The following GON4L variants were observed in gnomAD, a reference collection of about 807,000 sequenced individuals.
GON4L encodes GON-4-like protein.
In GON4L, 87 loss-of-function variants were observed where a neutral mutation model predicts 211.8. The observed-to-expected ratio is 0.41, with a 90% CI of 0.35 to 0.49. The LOEUF is 0.49. Among genes scored for constraint, GON4L ranks in the 20% least tolerant of loss-of-function variants. GON4L has a pLI of 0.15. For missense variants in GON4L, 2,155 were observed against 2,659.5 expected (o/e 0.81, Z 4.17); for synonymous variants, 875 against 962.6 (o/e 0.91, Z 1.68).
Position 155,822,369 on chromosome 1 carries a change from G to C in GON4L, c.805C>G (p.Leu269Val), listed in dbSNP as rs1668811298. Residue 269 changes from leucine (L) to valine (V), a missense_variant, in exon 4 of 32, where the codon CTG becomes GTG. Leu to Val is a conservative substitution (Grantham distance 32). Transcript: ENST00000368331. ...QEGTLAYDLK[L>V]DDMLDRTLED... ...AAGGTACGGTCAAGCATGTCATCCA[G>C]TTTCAGGTCATATGCCAAGGTCCCT... 6.2e-7 allele frequency: 1 copy of C among 1,613,852 alleles called. No individual in the cohort carries two copies. Among genetic ancestry groups the C allele is most frequent in the African/African-American group, 1.3e-5 (1 of 74,906 alleles).
chr1:155,834,065 C>A (rs1670068066), intron 2 of GON4L, among the ~76,000 whole-genome samples: 1 of 152,044 alleles, frequency 6.6e-6, no homozygotes, highest in African/African-American at 2.4e-5. Flanking sequence ...GCCACAAGAT[C>A]CTCACACCTT....
intron 10 of GON4L, among the ~76,000 whole-genome samples, chr1:155,806,072 C>T (rs1288550384): frequency 2.0e-5 from 3 of 151,030 alleles, no homozygotes; most frequent in Non-Finnish European, 4.4e-5. Context: ...ACTGCAGCTT[C>T]GAACTCCTGG....
intron 2 of GON4L, among the ~76,000 whole-genome samples, chr1:155,834,254 T>C (rs1377417510): frequency 1.3e-5 from 2 of 152,204 alleles, no homozygotes; most frequent in Admixed American, 1.3e-4. Flanking sequence ...CCTTTGCTAC[T>C]AAATTTTAAA....
At chr1:155,750,930 G>A (rs1236848977) in intron 31 of GON4L, among the ~76,000 whole-genome samples, 197 bp from the exon 32 acceptor site, 1 of 151,960 alleles carries the variant, frequency 6.6e-6, no homozygotes, top group African/African-American at 2.4e-5. Flanking sequence ...CACCTGACTA[G>A]TTTTTATATT....
At chr1:155,858,432 T>A (rs1185177389), upstream of GON4L, among the ~76,000 whole-genome samples, 1 of 152,170 alleles carries the variant, frequency 6.6e-6, no homozygotes, top group East Asian at 1.9e-4. Context: ...TATGCAAACA[T>A]GGCAGTAGTC....
At position 155,765,778 on chromosome 1, in the gene GON4L, G is replaced by A. The variant is rs980295993; in HGVS notation, c.3695C>T (p.Ala1232Val). ...EDKAHVNVDI[A>V]CAVADGENAF... ...ATTTTCCCCATCAGCCACAGCACAA[G>A]CAATGTCCACATTCACGTGGGCCTT... Residue 1232 changes from alanine to valine, a missense_variant, in exon 21 of 32, where the codon GCT becomes GTT. By Grantham distance (64) the Ala-to-Val change is moderately conservative (BLOSUM62 0). Coordinates refer to ENST00000368331, the MANE Select transcript of GON4L (RefSeq NM_001282860.2). The A allele has an allele frequency of 3.7e-6, 6 of 1,614,178 alleles. No homozygotes were observed. The highest frequency in any genetic ancestry group is 5.1e-6 in the Non-Finnish European group (6 of 1,180,030).
At chr1:155,787,915 G>A (rs1015769014) in intron 12 of GON4L, among the ~76,000 whole-genome samples, 1 of 152,180 alleles carries the variant, frequency 6.6e-6, no homozygotes, top group Non-Finnish European at 1.5e-5. Flanking sequence ...CTGCACTCCA[G>A]CCTGAGAGAC....
rs762928490 is a variant in GON4L, at chr1:155,795,148, T to A, written c.1649A>T (p.Glu550Val). The change falls in exon 12 of 32, where the codon GAA becomes GTA. Residue 550 changes from glutamate to valine, a missense_variant. Coordinates refer to ENST00000368331, the MANE Select transcript of GON4L (RefSeq NM_001282860.2). Reference protein sequence around the residue: ...LMNDDVGNEDEADDDDDPEYN... With the variant: ...LMNDDVGNEDVADDDDDPEYN... ...TTCTGGATCATCATCATCATCTGCT[T>A]CATCTAGGAAAAAAAAGTGTTTCAG... 6.4e-7 allele frequency: 1 copy of A among 1,571,098 alleles called. No individual in the cohort carries two copies. The highest frequency in any genetic ancestry group is 1.1e-5 in the South Asian group (1 of 90,190).
At position 155,763,317 on chromosome 1, in the gene GON4L, G is replaced by A. The variant is rs1662041111; in HGVS notation, c.4721C>T (p.Pro1574Leu). 4 of 1,613,688 alleles carry A rather than the reference G, an allele frequency of 2.5e-6. No homozygotes were observed. The highest frequency in any genetic ancestry group is 3.4e-6 in the Non-Finnish European group (4 of 1,179,772). Residue 1574 changes from proline to leucine, a missense_variant, in exon 22 of 32, where the codon CCA (proline) becomes CTA (leucine). Around this residue, in one of 6 missense-constraint regions of GON4L, gnomAD observed 455 missense variants for 504.6 expected, o/e 0.90. Coordinates refer to ENST00000368331, the MANE Select transcript of GON4L (RefSeq NM_001282860.2). ...TAPEVETSRT[P>L]PGESIKAAGK... ...TATAGGTTTGCCTAGCTCACCTGGTGGAGTTCTGCTGGTCTCCACTTCTGG... is the reference window on the plus strand; with the variant it reads ...TATAGGTTTGCCTAGCTCACCTGGTAGAGTTCTGCTGGTCTCCACTTCTGG...
intron 2 of GON4L, among the ~76,000 whole-genome samples, chr1:155,838,335 T>C (rs556234783): frequency 3.9e-5 from 6 of 152,306 alleles, no homozygotes; most frequent in South Asian, 2.1e-4. Context: ...GAATTTAAGA[T>C]TGTTGGCTCA....
intron 10 of GON4L, among the ~76,000 whole-genome samples, chr1:155,812,399 A>G (rs977226223): frequency 1.3e-5 from 2 of 152,192 alleles, no homozygotes; most frequent in Non-Finnish European, 2.9e-5. Context: ...AGATTAAAGG[A>G]GACTAAAGAA....
rs1226422460 is a variant in GON4L, at chr1:155,765,760, C to T, written c.3713G>A (p.Gly1238Glu). The T allele has an allele frequency of 1.1e-5, 17 of 1,614,060 alleles. No individual in the cohort carries two copies. In the African/African-American group the frequency reaches 1.5e-4, roughly 14 times the overall value. Reference protein sequence around the residue: ...NVDIACAVADGENAFQGLEPK... With the variant: ...NVDIACAVADEENAFQGLEPK... ...TTCTAGGCCCTGAAAGGCATTTTCC[C>T]CATCAGCCACAGCACAAGCAATGTC... is the stretch of plus-strand genomic sequence containing the variant. Residue 1238 changes from glycine (G) to glutamate (E), a missense_variant, in exon 21 of 32, where the codon GGG becomes GAG. Around this residue, in one of 6 missense-constraint regions of GON4L, gnomAD observed 615 missense variants for 625.7 expected, o/e 0.98. Transcript: ENST00000368331.
intron 6 of GON4L, among the ~76,000 whole-genome samples, chr1:155,817,479 C>T (rs79161612): frequency 0.066 from 9,987 of 152,100 alleles, 403 homozygotes; most frequent in African/African-American, 0.11. Flanking sequence ...ATGTTCTGAC[C>T]ATTTATCTAG....
chr1:155,822,109 G>A (rs760518341), intron 4 of GON4L, among the ~76,000 whole-genome samples, 177 bp downstream of exon 4: 1 of 152,148 alleles, frequency 6.6e-6, no homozygotes, highest in Non-Finnish European at 1.5e-5. Context: ...TTTCAAACTT[G>A]TACTGAGTGC....
chr1:155,797,714 G>A (rs1438619287), intron 11 of GON4L, among the ~76,000 whole-genome samples: 1 of 150,048 alleles, frequency 6.7e-6, no homozygotes, highest in South Asian at 2.1e-4. Context: ...TTAGCCAAGA[G>A]TAATGGTGCG....
chr1:155,837,418 C>T (rs867285502), intron 2 of GON4L, among the ~76,000 whole-genome samples: 2 of 152,290 alleles, frequency 1.3e-5, no homozygotes, highest in Middle Eastern at 3.4e-3. Context: ...TTTGCTGCTA[C>T]GGGAGCCTGT....
At position 155,821,663 on chromosome 1, in the gene GON4L, A is replaced by C. The variant is rs560710199; in HGVS notation, c.889-115T>G. On this transcript the variant is annotated intron_variant, in intron 4 of 31. Coordinates refer to ENST00000368331, the MANE Select transcript of GON4L (RefSeq NM_001282860.2). Reference sequence around the variant, plus strand: ...AGGACAAATGAGAACCATATACTCGAATAGCATCAGACTGGGGTAAAGCAA... The same window carrying C: ...AGGACAAATGAGAACCATATACTCGCATAGCATCAGACTGGGGTAAAGCAA... 9.8e-6 allele frequency: 7 copies of C among 715,324 alleles called. No individual in the cohort carries two copies. The South Asian group carries it at 9.9e-5, about 10-fold the overall frequency. The allele number at this position is 715,324 out of a possible 1,614,324, so 44.3% of individuals were successfully genotyped here.
At chr1:155,764,210 C>T (rs1372887717) in intron 21 of GON4L, among the ~76,000 whole-genome samples, 3 of 151,800 alleles carry the variant, frequency 2.0e-5, no homozygotes, top group Admixed American at 1.3e-4. Context: ...CCTCTGCCTC[C>T]CCGGTTCAAG....
At chr1:155,830,151 T>G (rs558834398) in intron 2 of GON4L, among the ~76,000 whole-genome samples, 3 of 151,508 alleles carry the variant, frequency 2.0e-5, no homozygotes, top group Admixed American at 2.0e-4. Context: ...GGTTTTACCA[T>G]GTTGGCCAGG....
Sources: allele counts gnomAD v4.1 joint callset (sites outside exome capture counted in the v4.1 genomes callset), GRCh38; gene constraint gnomAD v4.1.1; regional missense constraint gnomAD v4.1.1; transcripts MANE v1.5; gene names NCBI Gene and HGNC (gene_info 2026-07-23, HGNC 2026-07-21).